PRIM2: variants seen among roughly 807,000 people sequenced by gnomAD.
The protein encoded by PRIM2 is DNA primase subunit 2, also known as DNA primase large subunit.
Under a neutral mutation model 67.3 loss-of-function variants are expected in PRIM2, and 39 were observed. The ratio of observed to expected loss-of-function variants is 0.58; its 90% CI spans 0.45 to 0.76. PRIM2 has a LOEUF of 0.76. Among genes scored for constraint, PRIM2 ranks in the 30% least tolerant of loss-of-function variants. The probability of loss-of-function intolerance (pLI) is 0.00; values close to 1 mark genes in which losing one functional copy is unlikely to be tolerated. For synonymous variants in PRIM2, 143 were observed against 198.7 expected, an observed-to-expected ratio of 0.72 and a Z score of 2.36; for missense variants, 398 against 598.7, an observed-to-expected ratio of 0.66 and a Z score of 3.50.
upstream of PRIM2, among the ~76,000 whole-genome samples, chr6:57,315,792 T>A (rs1767469939): frequency 6.6e-6 from 1 of 152,162 alleles, no homozygotes; most frequent in African/African-American, 2.4e-5. Context: ...TTTATACTTT[T>A]TATGGTCAAG....
At chr6:57,425,459 C>T (rs1771591573) in intron 7 of PRIM2, among the ~76,000 whole-genome samples, 1 of 152,248 alleles carries the variant, frequency 6.6e-6, no homozygotes, top group Admixed American at 6.5e-5. Context: ...TTGTGATCTG[C>T]CCACCTTGGC....
chr6:57,614,836 C>T (rs1443092091), intron 12 of PRIM2, among the ~76,000 whole-genome samples: 1 of 151,626 alleles, frequency 6.6e-6, no homozygotes, highest in African/African-American at 2.4e-5. Context: ...GGCAACAGAG[C>T]GAGACTCTGT....
chr6:57,522,412 G>A (rs1554348991), intron 8 of PRIM2, among the ~76,000 whole-genome samples: 5 of 151,590 alleles, frequency 3.3e-5, no homozygotes, highest in African/African-American at 4.9e-5. Flanking sequence ...TCATAATGAG[G>A]GCAACAAATG....
intron 10 of PRIM2, among the ~76,000 whole-genome samples, chr6:57,568,150 A>G (rs1775784890): frequency 6.6e-6 from 1 of 152,228 alleles, no homozygotes; most frequent in Admixed American, 6.5e-5. Flanking sequence ...TATTATTTAA[A>G]AATTTGCCCA....
At chr6:57,618,368 CCT>C (rs1776790121) in intron 12 of PRIM2, among the ~76,000 whole-genome samples, 1 of 152,150 alleles carries the variant, frequency 6.6e-6, no homozygotes, top group East Asian at 1.9e-4. Context: ...GATTGCAGCT[CCT>C]GACAGAGCAG....
chr6:57,295,864 G>A, the PRIM2 span, among the ~76,000 whole-genome samples: 5 of 152,000 alleles, frequency 3.3e-5, no homozygotes, highest in Admixed American at 6.6e-5. Flanking sequence ...CCCAACACCC[G>A]GATTAAAATA....
intron 10 of PRIM2, among the ~76,000 whole-genome samples, chr6:57,594,131 G>C (rs1776327043): frequency 6.6e-6 from 1 of 152,166 alleles, no homozygotes; most frequent in Non-Finnish European, 1.5e-5. Flanking sequence ...TAATGTCTTT[G>C]TTTTCACCAG....
intron 13 of PRIM2, among the ~76,000 whole-genome samples, chr6:57,637,824 C>G (rs1448141299): frequency 2.0e-4 from 30 of 152,290 alleles, no homozygotes; most frequent in Admixed American, 1.5e-3. Context: ...TTGGAAAACA[C>G]TTCAGGATAT....
chr6:57,330,371 T>G (rs1398453053), intron 5 of PRIM2, among the ~76,000 whole-genome samples: 1 of 120,294 alleles, frequency 8.3e-6, no homozygotes, highest in Non-Finnish European at 1.7e-5. Context: ...GTTTTTGTTT[T>G]TTTGTTTTTT....
intron 10 of PRIM2, among the ~76,000 whole-genome samples, chr6:57,549,721 T>G (rs2127474483): frequency 6.6e-6 from 1 of 152,338 alleles, no homozygotes; most frequent in East Asian, 1.9e-4. Context: ...TATGTTTTGG[T>G]TTTTCTTTCA....
At chr6:57,325,290 C>CTT (rs1767807671) in intron 4 of PRIM2, among the ~76,000 whole-genome samples, 1 of 142,560 alleles carries the variant, frequency 7.0e-6, no homozygotes. Context: ...TTTTTTTTCT[C>CTT]TTTTCTCTCT....
intron 10 of PRIM2, among the ~76,000 whole-genome samples, chr6:57,557,754 C>G (rs1775543178): frequency 6.6e-6 from 1 of 151,814 alleles, no homozygotes; most frequent in Non-Finnish European, 1.5e-5. Context: ...CTGCACATAT[C>G]CCCCAAACTT....
intron 7 of PRIM2, among the ~76,000 whole-genome samples, chr6:57,428,404 A>G (rs1329633110): frequency 1.3e-5 from 2 of 152,230 alleles, no homozygotes; most frequent in Admixed American, 6.5e-5. Flanking sequence ...ATCCAAGACT[A>G]TATATTCAAG....
chr6:57,279,703 C>T, the PRIM2 span, among the ~76,000 whole-genome samples: 1 of 152,160 alleles, frequency 6.6e-6, no homozygotes, highest in Non-Finnish European at 1.5e-5. Context: ...AGCACTGTGC[C>T]AGGCTCCAAA....
chr6:57,434,027 C>T (rs764704948), intron 7 of PRIM2, among the ~76,000 whole-genome samples: 10 of 150,998 alleles, frequency 6.6e-5, no homozygotes. Flanking sequence ...CAGGTTCAAG[C>T]GATTCTCCTG....
At chr6:57,367,739 T>G (rs1017573012) in intron 5 of PRIM2, among the ~76,000 whole-genome samples, 1 of 152,238 alleles carries the variant, frequency 6.6e-6, no homozygotes, top group Non-Finnish European at 1.5e-5. Context: ...TGGACTCTGC[T>G]GGACGCCTTT....
chr6:57,448,678 A>G (rs368195392), intron 7 of PRIM2, among the ~76,000 whole-genome samples: 1 of 152,172 alleles, frequency 6.6e-6, no homozygotes, highest in African/African-American at 2.4e-5. Context: ...TAAATTTGCA[A>G]TCAGTTAAAG....
intron 7 of PRIM2, among the ~76,000 whole-genome samples, chr6:57,422,911 A>C (rs1406150820): frequency 6.6e-6 from 1 of 152,212 alleles, no homozygotes; most frequent in Non-Finnish European, 1.5e-5. Flanking sequence ...CATTTACTTG[A>C]AATTTTAAAT....
chr6:57,549,065 C>T lies in PRIM2; in HGVS notation c.1020+11440C>T, dbSNP rs1246512499. On this transcript the variant is annotated intron_variant, in intron 10 of 13. Transcript: ENST00000615550. ...CTTAGGAGATAAGTATTATTTATGT[C>T]GAGTTTACTAATGAAAAAACAGTAC... is the stretch of plus-strand genomic sequence containing the variant. Among the ~76,000 whole-genome samples the T allele has an allele frequency of 3.6e-4, 55 of 152,162 alleles. 1 individual carries two copies. The highest frequency in any genetic ancestry group is 3.4e-3 in the Middle Eastern group (1 of 294).
Sources: allele counts gnomAD v4.1 joint callset (sites outside exome capture counted in the v4.1 genomes callset), GRCh38; gene constraint gnomAD v4.1.1; transcripts MANE v1.5; gene names NCBI Gene and HGNC (gene_info 2026-07-23, HGNC 2026-07-21).